Variants in ZNF257 observed in about 807,000 individuals in gnomAD.
ZNF257 encodes bone marrow zinc finger 4.
Under a neutral mutation model 11.9 loss-of-function variants are expected in ZNF257, and 12 were observed. That is an observed-to-expected ratio of 1.01 (90% confidence interval 0.65 to 1.63). The LOEUF (loss-of-function observed/expected upper bound fraction) is 1.63. Ranked by LOEUF, ZNF257 falls within the 40% of genes most tolerant of loss-of-function variation. The pLI, the probability that ZNF257 is intolerant of heterozygous loss-of-function variation, is 0.00. For missense variants in ZNF257, 580 were observed against 665.5 expected, an observed-to-expected ratio of 0.87 and a Z score of 1.41; for synonymous variants, 183 against 222.7, an observed-to-expected ratio of 0.82 and a Z score of 1.59.
chr19:22,073,584 AG>A lies in ZNF257; in HGVS notation c.226+21del. 1 of 1,604,916 alleles carries A rather than the reference AG, an allele frequency of 6.2e-7. No individual in the cohort carries two copies. The highest frequency in any genetic ancestry group is 8.5e-7 in the Non-Finnish European group (1 of 1,175,914). ...CCCCAGGTAGGTGAGAGTGAAAGCCAGTACAACAGGTGAAACAGATGAGAGA... is the reference window on the plus strand; with the variant it reads ...CCCCAGGTAGGTGAGAGTGAAAGCCATACAACAGGTGAAACAGATGAGAGA... On this transcript the variant is annotated intron_variant, in intron 3 of 3. Coordinates refer to ENST00000594947, the MANE Select transcript of ZNF257 (RefSeq NM_033468.4).
Position 22,089,129 on chromosome 19 carries a change from A to G in ZNF257, c.1379A>G (p.Lys460Arg). 1 of 1,613,626 alleles carries G rather than the reference A, an allele frequency of 6.2e-7. No homozygotes were observed. The highest frequency in any genetic ancestry group is 1.3e-5 in the African/African-American group (1 of 74,988). Reference sequence around the variant, plus strand: ...ATTCATACTGGAGAGAAACCCTACAAATGTGAAGAGTGTGGCAAAGCCTTT... The same window carrying G: ...ATTCATACTGGAGAGAAACCCTACAGATGTGAAGAGTGTGGCAAAGCCTTT... ...KIIHTGEKPY[K>R]CEECGKAFNQ... The change falls in exon 4 of 4, where the codon AAA becomes AGA. Residue 460 changes from lysine to arginine, a missense_variant. Coordinates refer to ENST00000594947, the MANE Select transcript of ZNF257 (RefSeq NM_033468.4).
chr19:22,065,616 T>C (rs2021923318), intron 1 of ZNF257, among the ~76,000 whole-genome samples: 1 of 128,988 alleles, frequency 7.8e-6, no homozygotes, highest in Admixed American at 8.1e-5. Context: ...TTACAGTAGA[T>C]ATTAGTCTGA....
At chr19:22,069,797 A>G (rs1366155965) in intron 1 of ZNF257, among the ~76,000 whole-genome samples, 4 of 152,066 alleles carry the variant, frequency 2.6e-5, no homozygotes, top group Non-Finnish European at 5.9e-5. Context: ...GATTATTAGT[A>G]TATATTAGGA....
intron 3 of ZNF257, among the ~76,000 whole-genome samples, chr19:22,082,806 A>G (rs992052049): frequency 6.6e-6 from 1 of 152,162 alleles, no homozygotes; most frequent in Non-Finnish European, 1.5e-5. Flanking sequence ...TTAGAACATG[A>G]CATCTCATAC....
At chr19:22,053,110 C>T (rs1009214684) in intron 1 of ZNF257, among the ~76,000 whole-genome samples, 1 of 152,140 alleles carries the variant, frequency 6.6e-6, no homozygotes, top group Non-Finnish European at 1.5e-5. Flanking sequence ...GTGGCACACG[C>T]CTGTAATCCC....
intron 3 of ZNF257, among the ~76,000 whole-genome samples, chr19:22,077,980 T>G (rs913873453): frequency 6.6e-6 from 1 of 151,798 alleles, no homozygotes; most frequent in African/African-American, 2.4e-5. Context: ...TGGCTCATGC[T>G]TGTAATCCTA....
chr19:22,054,347 G>T (rs976137010), intron 1 of ZNF257, among the ~76,000 whole-genome samples: 4 of 152,156 alleles, frequency 2.6e-5, no homozygotes, highest in Non-Finnish European at 5.9e-5. Flanking sequence ...TGGGATTACA[G>T]GAGTGAGCCG....
In ZNF257 at chr19:22,089,055, G is replaced by C; in HGVS notation, c.1305G>C (p.Glu435Asp). 6.2e-7 allele frequency: 1 copy of C among 1,611,024 alleles called. No individual in the cohort carries two copies. ...GAGAGAAACCCTACAAATGTGAAGA[G>C]TGTGGCAAAGCCTTTAACCGGTCTT... ...HTGEKPYKCEECGKAFNRSSY... is the reference protein window; with the variant it reads ...HTGEKPYKCEDCGKAFNRSSY... The change falls in exon 4 of 4, where the codon GAG becomes GAC. Residue 435 changes from glutamate (E) to aspartate (D), a missense_variant. Coordinates refer to ENST00000594947, the MANE Select transcript of ZNF257 (RefSeq NM_033468.4).
intron 1 of ZNF257, among the ~76,000 whole-genome samples, chr19:22,058,299 C>G (rs2021697910): frequency 6.6e-6 from 1 of 151,426 alleles, no homozygotes; most frequent in Admixed American, 6.6e-5. Context: ...TACATTTATT[C>G]CATTTTGCTT....
At chr19:22,053,650 G>A (rs1450022469) in intron 1 of ZNF257, among the ~76,000 whole-genome samples, 1 of 152,136 alleles carries the variant, frequency 6.6e-6, no homozygotes, top group African/African-American at 2.4e-5. Flanking sequence ...TTTGAGGCCG[G>A]CGCTGTGGCT....
chr19:22,087,782 T>C (rs1419911430), intron 3 of ZNF257, among the ~76,000 whole-genome samples, 195 bp from the exon 4 acceptor site: 1 of 152,116 alleles, frequency 6.6e-6, no homozygotes, highest in African/African-American at 2.4e-5. Flanking sequence ...TTAACTCATT[T>C]ATAAATTTTC....
chr19:22,079,072 G>A (rs989924713), intron 3 of ZNF257, among the ~76,000 whole-genome samples: 5 of 152,048 alleles, frequency 3.3e-5, no homozygotes, highest in South Asian at 4.1e-4. Context: ...GATTACAGGC[G>A]TGAGCCACCA....
intron 1 of ZNF257, among the ~76,000 whole-genome samples, chr19:22,067,886 C>CT (rs2021996924): frequency 6.6e-6 from 1 of 151,230 alleles, no homozygotes; most frequent in Non-Finnish European, 1.5e-5. Context: ...GTCTCCCCCC[C>CT]GCTTGAGCTA....
intron 1 of ZNF257, among the ~76,000 whole-genome samples, chr19:22,066,595 A>G (rs1304707281): frequency 2.0e-5 from 3 of 148,874 alleles, no homozygotes; most frequent in Admixed American, 1.3e-4. Context: ...TAAAATGTAA[A>G]TAGCCAAAAT....
chr19:22,063,900 T>C (rs1189819533), intron 1 of ZNF257, among the ~76,000 whole-genome samples: 2 of 152,328 alleles, frequency 1.3e-5, no homozygotes, highest in South Asian at 4.1e-4. Flanking sequence ...TTACATACTG[T>C]TATCTTTGTT....
intron 1 of ZNF257, among the ~76,000 whole-genome samples, chr19:22,054,387 A>G (rs973375922): frequency 1.3e-5 from 2 of 152,016 alleles, no homozygotes; most frequent in African/African-American, 4.8e-5. Context: ...AATTTTTTAC[A>G]TGTGTCCCAA....
intron 1 of ZNF257, among the ~76,000 whole-genome samples, chr19:22,064,930 T>A (rs73019838): frequency 0.23 from 34,579 of 151,498 alleles, 4,654 homozygotes; most frequent in South Asian, 0.44. Context: ...GGCACGCGCC[T>A]ATAGTCCCAG....
At chr19:22,053,585 G>A (rs1241404259) in intron 1 of ZNF257, among the ~76,000 whole-genome samples, 2 of 152,142 alleles carry the variant, frequency 1.3e-5, no homozygotes, top group African/African-American at 4.8e-5. Flanking sequence ...GTAGTGTATA[G>A]TTGGCTACGC....
chr19:22,059,064 TCA>T (rs1317117899), intron 1 of ZNF257, among the ~76,000 whole-genome samples: 2 of 152,042 alleles, frequency 1.3e-5, no homozygotes, highest in Non-Finnish European at 2.9e-5. Flanking sequence ...TAAATTAGAG[TCA>T]CACCTGGGCC....
Sources: allele counts gnomAD v4.1 joint callset (sites outside exome capture counted in the v4.1 genomes callset), GRCh38; gene constraint gnomAD v4.1.1; transcripts MANE v1.5; gene names NCBI Gene and HGNC (gene_info 2026-07-23, HGNC 2026-07-21).